Variants in ITGA4 observed in about 807,000 individuals in gnomAD.
ITGA4 encodes the protein integrin alpha-4.
In ITGA4, 63 loss-of-function variants were observed where a neutral mutation model predicts 133.6. That is an observed-to-expected ratio of 0.47 (90% confidence interval 0.38 to 0.58). The LOEUF (loss-of-function observed/expected upper bound fraction) is 0.58, where lower values mean the gene tolerates loss of function less well. Among genes scored for constraint, ITGA4 ranks in the 20% least tolerant of loss-of-function variants. ITGA4 has a pLI of 0.00. For synonymous variants in ITGA4, 483 were observed against 438.0 expected, an observed-to-expected ratio of 1.10 and a Z score of -1.28; for missense variants, 1,076 against 1,252.7, an observed-to-expected ratio of 0.86 and a Z score of 2.13.
In ITGA4 at chr2:181,494,554, C is replaced by G. The variant is rs528492662; in HGVS notation, c.1249-168C>G. 8.5e-5 allele frequency among the ~76,000 whole-genome samples: 13 copies of G among 152,276 alleles called. No homozygotes were observed. In the East Asian group the frequency reaches 1.7e-3, roughly 20 times the overall value. ...ACAAATGTCACCTGTTCATTTCAAG[C>G]TGGAAAAATTTTGTCACCCTTAGAA... On this transcript the variant is annotated intron_variant, in intron 11 of 27. Coordinates refer to ENST00000397033, the MANE Select transcript of ITGA4 (RefSeq NM_000885.6).
chr2:181,509,157 A>T (rs1459996966), intron 15 of ITGA4, among the ~76,000 whole-genome samples: 5 of 140,560 alleles, frequency 3.6e-5, no homozygotes, highest in African/African-American at 5.2e-5. Flanking sequence ...AAAAAAAAAA[A>T]AAAAAAAAAA....
intron 2 of ITGA4, among the ~76,000 whole-genome samples, chr2:181,469,864 A>G (rs999365951): frequency 1.3e-5 from 2 of 150,654 alleles, no homozygotes; most frequent in African/African-American, 4.9e-5. Flanking sequence ...GAATTGAACA[A>G]TGAGAACACT....
chr2:181,474,881 TG>T, intron 2 of ITGA4, 78 bp from the exon 3 acceptor site: 1 of 974,690 alleles, frequency 1.0e-6, no homozygotes, highest in Non-Finnish European at 1.6e-6. Flanking sequence ...AGAAAAATAC[TG>T]GGGATGAGTG....
At chr2:181,497,909 T>G (rs1250078699) in intron 14 of ITGA4, among the ~76,000 whole-genome samples, 3 of 151,910 alleles carry the variant, frequency 2.0e-5, no homozygotes, top group Non-Finnish European at 2.9e-5. Context: ...GAGATCTTCA[T>G]GAGCAGATGA....
At chr2:181,520,334 G>C (rs769316746) in intron 17 of ITGA4, among the ~76,000 whole-genome samples, 33 of 152,206 alleles carry the variant, frequency 2.2e-4, no homozygotes, top group Middle Eastern at 3.4e-3. Flanking sequence ...TTAGATGCCT[G>C]TTTATAGAAA....
At chr2:181,528,184 A>T (rs1209170063) in intron 22 of ITGA4, among the ~76,000 whole-genome samples, 2 of 152,208 alleles carry the variant, frequency 1.3e-5, no homozygotes, top group African/African-American at 2.4e-5. Context: ...TCCAGAATGC[A>T]AATTCCTTGG....
At chr2:181,486,181 T>G in intron 10 of ITGA4, 189 bp downstream of exon 10, 1 of 580,556 alleles carries the variant, frequency 1.7e-6, no homozygotes. Flanking sequence ...TCTTTACCAC[T>G]GTTAATAATG....
chr2:181,527,986 A>G (rs1014000208), intron 22 of ITGA4, among the ~76,000 whole-genome samples: 1 of 152,178 alleles, frequency 6.6e-6, no homozygotes, highest in African/African-American at 2.4e-5. Context: ...TCAAACTGAT[A>G]TTTTTATTGT....
At chr2:181,512,274 G>A (rs1408259034) in intron 17 of ITGA4, among the ~76,000 whole-genome samples, 1 of 152,036 alleles carries the variant, frequency 6.6e-6, no homozygotes, top group Non-Finnish European at 1.5e-5. Flanking sequence ...GTGAAAGAAG[G>A]GAAGAAGATG....
intron 2 of ITGA4, among the ~76,000 whole-genome samples, chr2:181,471,822 C>A (rs1040598047): frequency 6.6e-6 from 1 of 152,170 alleles, no homozygotes; most frequent in African/African-American, 2.4e-5. Context: ...GTAAACATCT[C>A]TTTCTTGTGG....
chr2:181,527,213 C>A, intron 21 of ITGA4, 84 bp from the exon 22 acceptor site: 1 of 762,776 alleles, frequency 1.3e-6, no homozygotes, highest in Non-Finnish European at 2.2e-6. Context: ...TGTAAATATG[C>A]TATAATCCAG....
At chr2:181,481,313 G>A (rs904274863) in intron 6 of ITGA4, among the ~76,000 whole-genome samples, 2 of 152,058 alleles carry the variant, frequency 1.3e-5, no homozygotes, top group African/African-American at 2.4e-5. Context: ...AAATATGTCT[G>A]TTGTAATCCT....
intron 2 of ITGA4, 150 bp downstream of exon 2, chr2:181,458,467 T>C: frequency 1.2e-6 from 1 of 820,092 alleles, no homozygotes; most frequent in Non-Finnish European, 1.9e-6. Context: ...TCATCTTGCC[T>C]CCTTAATATA....
chr2:181,530,440 A>T, intron 23 of ITGA4, 84 bp from the exon 24 acceptor site: 1 of 1,281,634 alleles, frequency 7.8e-7, no homozygotes, highest in Non-Finnish European at 1.1e-6. Context: ...AAGATAAGCT[A>T]CTGGAACTTT....
intron 10 of ITGA4, among the ~76,000 whole-genome samples, chr2:181,490,333 T>C (rs1156888660): frequency 6.6e-6 from 1 of 152,204 alleles, no homozygotes; most frequent in African/African-American, 2.4e-5. Flanking sequence ...GAACACATTT[T>C]TAAAGCACTG....
chr2:181,474,902 C>A, intron 2 of ITGA4, 58 bp from the exon 3 acceptor site: 3 of 1,341,274 alleles, frequency 2.2e-6, no homozygotes, highest in Non-Finnish European at 3.2e-6. Context: ...GCACAGTTTT[C>A]TCTTCTTTTG....
In ITGA4 at chr2:181,537,730, A is replaced by AACAC; in HGVS notation, c.*2205_*2208dup. On this transcript the variant is annotated 3_prime_UTR_variant, in exon 28 of 28. Transcript: ENST00000397033. ...GCAAAGTTTTTTTGTGTGTCCAATA[A>AACAC]ACACATTGTAAAAAAAAGAATTTGA... is the stretch of plus-strand genomic sequence containing the variant. 2 of 440,058 alleles carry AACAC rather than the reference A, an allele frequency of 4.5e-6. No homozygotes were observed. The highest frequency in any genetic ancestry group is 9.1e-6 in the Non-Finnish European group (2 of 219,780). 27.3% of individuals were successfully genotyped at this position (440,058 alleles called of 1,614,324 possible). A position where few individuals can be genotyped will look rare whatever the true frequency, so the allele number is the denominator to read the frequency against.
rs199582069 is a variant in ITGA4 at position 181,527,256 on chromosome 2, C to T, written c.2340-41C>T. 112 of 1,154,500 alleles carry T rather than the reference C, an allele frequency of 9.7e-5. No individual in the cohort carries two copies. In the African/African-American group the frequency reaches 1.2e-3, roughly 13 times the overall value. 71.5% of individuals were successfully genotyped at this position (1,154,500 alleles called of 1,614,324 possible). On this transcript the variant is annotated intron_variant, in intron 21 of 27. Transcript: ENST00000397033. ...AAAAAGACTCTTTATAATACGTCAT[C>T]GAATAAGACAGTTAATTAAATTTGA...
intron 16 of ITGA4, among the ~76,000 whole-genome samples, chr2:181,510,661 T>C (rs1016972992): frequency 7.2e-5 from 11 of 152,134 alleles, no homozygotes; most frequent in African/African-American, 2.7e-4. Context: ...TAGTCTAGTC[T>C]AGAATACAGG....
Sources: allele counts gnomAD v4.1 joint callset (sites outside exome capture counted in the v4.1 genomes callset), GRCh38; gene constraint gnomAD v4.1.1; transcripts MANE v1.5; gene names NCBI Gene and HGNC (gene_info 2026-07-23, HGNC 2026-07-21).